UNC13B: variants seen among roughly 807,000 people sequenced by gnomAD.
UNC13B encodes unc-13 homolog B.
In UNC13B, 144 loss-of-function variants were observed where a neutral mutation model predicts 211.0. The ratio of observed to expected loss-of-function variants is 0.68; its 90% CI spans 0.60 to 0.78. The LOEUF is 0.78. Ranked by LOEUF, UNC13B falls within the 30% of genes least tolerant of loss-of-function variation. The probability of loss-of-function intolerance (pLI) is 0.00; values close to 1 mark genes in which losing one functional copy is unlikely to be tolerated. For missense variants in UNC13B, 1,777 were observed against 2,002.0 expected, an observed-to-expected ratio of 0.89 and a Z score of 2.14; for synonymous variants, 709 against 725.8, an observed-to-expected ratio of 0.98 and a Z score of 0.37.
At chr9:35,242,476 C>T (rs2131554073) in intron 5 of UNC13B, among the ~76,000 whole-genome samples, 1 of 152,240 alleles carries the variant, frequency 6.6e-6, no homozygotes, top group African/African-American at 2.4e-5. Context: ...TGGCAACGAC[C>T]ATTCTTTCTT....
chr9:35,303,525 C>G lies in UNC13B; in HGVS notation c.4121C>G (p.Pro1374Arg), dbSNP rs962303950. Reference sequence around the variant, plus strand: ...TCTAAAAATTCCAGAAAACTTCAGCCAGTTTATTATATGTTAAATCAAAAT... The same window carrying G: ...TCTAAAAATTCCAGAAAACTTCAGCGAGTTTATTATATGTTAAATCAAAAT... ...DLSKNSRKLQPVYYMLNQNRF... is the reference protein window; with the variant it reads ...DLSKNSRKLQRVYYMLNQNRF... Residue 1374 changes from proline to arginine, a missense_variant, in exon 9 of 40, where the codon CCA (proline) becomes CGA (arginine). Pro to Arg is a moderately radical substitution (Grantham distance 103). Coordinates refer to ENST00000635942, the MANE Select transcript of UNC13B (RefSeq NM_001371189.2). The G allele has an allele frequency of 5.0e-6, 2 of 398,612 alleles. No homozygotes were observed. The highest frequency in any genetic ancestry group is 2.1e-5 in the African/African-American group (1 of 48,614). 24.7% of individuals were successfully genotyped at this position (398,612 alleles called of 1,614,324 possible).
chr9:35,162,181 C>T lies in UNC13B; in HGVS notation c.-103C>T. 6.6e-7 allele frequency: 1 copy of T among 1,509,738 alleles called. No individual in the cohort carries two copies. The allele number at this position is 1,509,738 out of a possible 1,614,324, so 93.5% of individuals were successfully genotyped here. A position where few individuals can be genotyped will look rare whatever the true frequency, so the allele number is the denominator to read the frequency against. On this transcript the variant is annotated 5_prime_UTR_variant, in exon 1 of 40. Coordinates refer to ENST00000635942, the MANE Select transcript of UNC13B (RefSeq NM_001371189.2). ...ACCGGGACCATGAGGAGCTGCCAGA[C>T]CCGTGGGGCCGGTAACGAGAGCAGT...
chr9:35,237,969 A>C (rs1161597730), intron 5 of UNC13B, 143 bp downstream of exon 5: 2 of 870,480 alleles, frequency 2.3e-6, no homozygotes, highest in African/African-American at 3.4e-5. Context: ...TTCTCATAAC[A>C]CTTCACCCAG....
chr9:35,275,353 A>G (rs1172949062), intron 7 of UNC13B, among the ~76,000 whole-genome samples: 1 of 152,154 alleles, frequency 6.6e-6, no homozygotes, highest in Non-Finnish European at 1.5e-5. Flanking sequence ...ATTAAAATTA[A>G]TTCATTTATT....
chr9:35,236,484 G>A lies in UNC13B; in HGVS notation c.168G>A (p.Leu56=). 1 of 1,614,020 alleles carries A rather than the reference G, an allele frequency of 6.2e-7. No homozygotes were observed. The highest frequency in any genetic ancestry group is 8.5e-7 in the Non-Finnish European group (1 of 1,179,926). ...EQDFMFEISR[L]DLGLSVEVWN... is the part of the protein sequence containing the mutation. ...TTTCCCTTAGTGAGATTAGTCGCCT[G>A]GACCTGGGTCTAAGTGTGGAGGTAT... is the stretch of plus-strand genomic sequence containing the variant. The change falls in exon 4 of 40, where the codon CTG becomes CTA. Residue 56 remains leucine (L), a synonymous_variant. Coordinates refer to ENST00000635942, the MANE Select transcript of UNC13B (RefSeq NM_001371189.2).
At chr9:35,298,926 A>G (rs1211173458) in intron 8 of UNC13B, among the ~76,000 whole-genome samples, 1 of 152,170 alleles carries the variant, frequency 6.6e-6, no homozygotes, top group East Asian at 1.9e-4. Flanking sequence ...TAGATTTCAC[A>G]AACAACAAAT....
At chr9:35,226,194 A>G (rs529798710) in intron 1 of UNC13B, among the ~76,000 whole-genome samples, 2 of 152,280 alleles carry the variant, frequency 1.3e-5, no homozygotes, top group African/African-American at 4.8e-5. Flanking sequence ...CTAGAAACTA[A>G]GGTGATGTGG....
At chr9:35,299,875 G>A (rs772308253) in intron 8 of UNC13B, among the ~76,000 whole-genome samples, 2 of 152,126 alleles carry the variant, frequency 1.3e-5, no homozygotes, top group East Asian at 1.9e-4. Flanking sequence ...AAGGCTCACA[G>A]GCTAAAGATG....
rs139588198 is a variant in UNC13B at position 35,377,125 on chromosome 9, G to A, written c.9836-343G>A. 1.6e-3 allele frequency among the ~76,000 whole-genome samples: 237 copies of A among 152,346 alleles called. 2 individuals carry two copies. The Middle Eastern group carries it at 0.034, about 22-fold the overall frequency. On this transcript the variant is annotated intron_variant, in intron 15 of 39. Transcript: ENST00000635942. The stretch of plus-strand genomic sequence containing the variant: ...ATGACATATAAAAGGGGACCAGGGA[G>A]AGGCCTTGAGCAATTATTCATGGAA...
At chr9:35,291,451 G>T (rs1829094883) in intron 7 of UNC13B, among the ~76,000 whole-genome samples, 1 of 152,220 alleles carries the variant, frequency 6.6e-6, no homozygotes, top group Non-Finnish European at 1.5e-5. Context: ...GTGACCAGAA[G>T]GAGAAGGTTC....
intron 1 of UNC13B, among the ~76,000 whole-genome samples, chr9:35,170,489 G>A (rs1203415370): frequency 6.6e-6 from 1 of 151,990 alleles, no homozygotes; most frequent in Non-Finnish European, 1.5e-5. Flanking sequence ...AGTTTTTTGA[G>A]ACTGGATCTT....
chr9:35,376,360 T>C, intron 15 of UNC13B, 113 bp downstream of exon 15: 2 of 1,057,722 alleles, frequency 1.9e-6, no homozygotes, highest in Non-Finnish European at 2.8e-6. Flanking sequence ...TCCACCTGAT[T>C]CTGAAACCCT....
intron 25 of UNC13B, 31 bp from the exon 26 acceptor site, chr9:35,390,598 T>C: frequency 6.2e-7 from 1 of 1,611,206 alleles, no homozygotes; most frequent in South Asian, 1.1e-5. Context: ...TCTTGCCTTA[T>C]TCTCTGACTG....
Position 35,313,994 on chromosome 9 carries a change from G to A in UNC13B, c.9414+5G>A. On this transcript the variant is annotated splice_donor_5th_base_variant and intron_variant, in intron 11 of 39. Transcript: ENST00000635942. ...GTTCGACTCCAGCTGCAGGAGGTAG[G>A]AAATCTGTTCTAGTACTGGTTGGGA... The A allele has an allele frequency of 6.2e-7, 1 of 1,612,178 alleles. No homozygotes were observed. Among genetic ancestry groups the A allele is most frequent in the Admixed American group, 1.7e-5 (1 of 60,006 alleles).
chr9:35,231,539 A>G (rs1184937955), intron 3 of UNC13B, among the ~76,000 whole-genome samples: 2 of 152,194 alleles, frequency 1.3e-5, no homozygotes, highest in Admixed American at 6.5e-5. Flanking sequence ...ATTAGAATAC[A>G]GTACAACAGA....
In UNC13B at chr9:35,310,517, G is replaced by A. The variant is rs374242407; in HGVS notation, c.9059G>A (p.Ser3020Asn). The A allele has an allele frequency of 5.0e-5, 81 of 1,613,992 alleles. No homozygotes were observed. The highest frequency in any genetic ancestry group is 6.4e-5 in the Non-Finnish European group (76 of 1,180,030). ...YGSSCNVSQG[S>N]SQLSELDQYH... ...TCCTCCTGTAATGTGAGTCAAGGAAGCTCTCAGCTAAGTGAACTAGACCAG... is the reference window on the plus strand; with the variant it reads ...TCCTCCTGTAATGTGAGTCAAGGAAACTCTCAGCTAAGTGAACTAGACCAG... The change falls in exon 10 of 40, where the codon AGC becomes AAC. Residue 3020 changes from serine (S) to asparagine (N), a missense_variant. Transcript: ENST00000635942.
intron 11 of UNC13B, among the ~76,000 whole-genome samples, chr9:35,364,809 C>T (rs1833672202): frequency 6.6e-6 from 1 of 152,168 alleles, no homozygotes; most frequent in African/African-American, 2.4e-5. Flanking sequence ...TGTGTGTGCA[C>T]CAGCATGGGT....
chr9:35,329,901 G>A (rs1459959608), intron 11 of UNC13B, among the ~76,000 whole-genome samples: 4 of 152,102 alleles, frequency 2.6e-5, no homozygotes, highest in Non-Finnish European at 4.4e-5. Flanking sequence ...AGTATTTCTC[G>A]CCTGTCAATA....
chr9:35,222,683 A>G (rs1167963209), intron 1 of UNC13B, among the ~76,000 whole-genome samples: 1 of 152,218 alleles, frequency 6.6e-6, no homozygotes, highest in African/African-American at 2.4e-5. Flanking sequence ...CCATCACCTA[A>G]AATATTTATC....
Sources: allele counts gnomAD v4.1 joint callset (sites outside exome capture counted in the v4.1 genomes callset), GRCh38; gene constraint gnomAD v4.1.1; transcripts MANE v1.5; gene names NCBI Gene and HGNC (gene_info 2026-07-23, HGNC 2026-07-21).